KCNN1: variants seen among roughly 807,000 people sequenced by gnomAD.
The protein encoded by KCNN1 is potassium calcium-activated channel subfamily N member 1.
In KCNN1, 20 loss-of-function variants were observed where a neutral mutation model predicts 44.7. The ratio of observed to expected loss-of-function variants is 0.45; its 90% CI spans 0.32 to 0.65. The LOEUF is 0.65. KCNN1 is among the 30% of genes least tolerant of loss of function. KCNN1 has a pLI of 0.05. For missense variants in KCNN1, 632 were observed against 785.3 expected, an observed-to-expected ratio of 0.80 and a Z score of 2.33; for synonymous variants, 324 against 341.7, an observed-to-expected ratio of 0.95 and a Z score of 0.57.
chr19:17,995,742 C>G lies in KCNN1; in HGVS notation c.1377+2183C>G, dbSNP rs745330523. Among the ~76,000 whole-genome samples, 4 of 151,192 alleles carry G rather than the reference C, an allele frequency of 2.6e-5. No homozygotes were observed. The South Asian group carries it at 6.3e-4, about 24-fold the overall frequency. On this transcript the variant is annotated intron_variant, in intron 9 of 9. Transcript: ENST00000684775. The stretch of plus-strand genomic sequence containing the variant: ...CTAGGATTACAGGTGTATGCCGCCA[C>G]GCCTAGCTACTTTTTGTATTTTTAG...
chr19:17,964,421 GCC>G (rs1568446459), upstream of KCNN1, among the ~76,000 whole-genome samples: 2 of 152,206 alleles, frequency 1.3e-5, no homozygotes, highest in African/African-American at 4.8e-5. This position sits in a 1 kb window ranked among gnomAD's most constrained non-coding sequence, Gnocchi z 4.3. Context: ...GAGACCAGAG[GCC>G]CAGCCCTCAG....
intron 1 of KCNN1, among the ~76,000 whole-genome samples, chr19:17,968,755 C>T (rs1293603954): frequency 1.3e-5 from 2 of 152,152 alleles, no homozygotes; most frequent in African/African-American, 4.8e-5. Context: ...GGTCTCTGCT[C>T]ATCCCCTGCA....
At chr19:17,955,792 G>GC (rs1232868427) in intron 2 of KCNN1, among the ~76,000 whole-genome samples, 1 of 66,824 alleles carries the variant, frequency 1.5e-5, no homozygotes. Flanking sequence ...TCCCGCCCCC[G>GC]CCCCCCACAC....
chr19:17,969,526 G>A (rs2031937553), intron 1 of KCNN1, among the ~76,000 whole-genome samples: 1 of 151,804 alleles, frequency 6.6e-6, no homozygotes, highest in Admixed American at 6.6e-5. Flanking sequence ...CCTCTTGGAA[G>A]CCACCTGCCA....
intron 1 of KCNN1, among the ~76,000 whole-genome samples, chr19:17,970,178 G>A (rs1286144215): frequency 6.8e-6 from 1 of 147,674 alleles, no homozygotes; most frequent in African/African-American, 2.5e-5. Flanking sequence ...CTTACAAGCT[G>A]TGAGGTGCCT....
chr19:17,973,930 G>T lies in KCNN1; in HGVS notation c.42G>T (p.Leu14=). The T allele has an allele frequency of 6.4e-7, 1 of 1,555,922 alleles. No individual in the cohort carries two copies. The change falls in exon 2 of 10, where the codon CTG becomes CTT. Residue 14 remains leucine, a synonymous_variant. Coordinates refer to ENST00000684775, the MANE Select transcript of KCNN1 (RefSeq NM_001386974.1). The stretch of plus-strand genomic sequence containing the variant: ...ACAATGGCAGCGTGGGGCGGCCGCT[G>T]GGCAGCGGGCCGGGCGCCCTGGGAC... The part of the protein sequence containing the change: ...HSYNGSVGRP[L]GSGPGALGRD...
intron 3 of KCNN1, 28 bp downstream of exon 3, chr19:17,975,215 C>T (rs781714302): frequency 5.2e-6 from 8 of 1,550,070 alleles, no homozygotes; most frequent in Non-Finnish European, 7.1e-6. Flanking sequence ...CAGGAAGCAG[C>T]TCCTCTCCTC....
chr19:17,965,648 C>T (rs573088729), upstream of KCNN1, among the ~76,000 whole-genome samples: 6 of 152,146 alleles, frequency 3.9e-5, no homozygotes, highest in South Asian at 8.3e-4. Context: ...GCTGAAAACC[C>T]GCCCCTTCGG....
chr19:17,983,079 C>T lies in KCNN1; in HGVS notation c.917+952C>T, dbSNP rs1385543291. ...AAACCGGCCGTGCCTTTGGGACCTCCAAGCAGGAGGGAGTCTGTTGTAAAT... is the reference window on the plus strand; with the variant it reads ...AAACCGGCCGTGCCTTTGGGACCTCTAAGCAGGAGGGAGTCTGTTGTAAAT... On this transcript the variant is annotated intron_variant, in intron 4 of 9. Coordinates refer to ENST00000684775, the MANE Select transcript of KCNN1 (RefSeq NM_001386974.1). This position sits in a 1 kb window ranked among gnomAD's most constrained non-coding sequence, Gnocchi z 4.5. Among the ~76,000 whole-genome samples, 1 of 152,064 alleles carries T rather than the reference C, an allele frequency of 6.6e-6. No individual in the cohort carries two copies.
Position 17,974,050 on chromosome 19 carries a change from C to T in KCNN1, c.162C>T (p.Pro54=). 1.2e-6 allele frequency: 2 copies of T among 1,610,632 alleles called. No individual in the cohort carries two copies. The highest frequency in any genetic ancestry group is 1.7e-6 in the Non-Finnish European group (2 of 1,179,310). ...VVVAKSEPAR[P]SPGSPRGQPQ... is the part of the protein sequence containing the mutation. The stretch of plus-strand genomic sequence containing the variant: ...TGGCCAAGAGTGAGCCAGCCCGGCC[C>T]TCACCCGGCAGCCCCCGGGGGCAGC... Residue 54 remains proline, a synonymous_variant, in exon 2 of 10, where the codon CCC becomes CCT. Coordinates refer to ENST00000684775, the MANE Select transcript of KCNN1 (RefSeq NM_001386974.1). This position sits in a 1 kb window ranked among gnomAD's most constrained non-coding sequence, Gnocchi z 7.3.
Position 17,989,723 on chromosome 19 carries a change from A to C in KCNN1, c.1178A>C (p.Asn393Thr). Residue 393 changes from asparagine to threonine, a missense_variant, in exon 7 of 10, where the codon AAC becomes ACC. Around this residue, in one of 3 missense-constraint regions of KCNN1, gnomAD observed 237 missense variants for 253.0 expected, o/e 0.94. Coordinates refer to ENST00000684775, the MANE Select transcript of KCNN1 (RefSeq NM_001386974.1). ...MDTQLTKRVK[N>T]AAANVLRETW... ...TTCTTTTTCTGGCCCCAGGTAAAAA[A>C]CGCCGCTGCTAACGTTCTCAGGGAG... 2 of 1,613,844 alleles carry C rather than the reference A, an allele frequency of 1.2e-6. No homozygotes were observed. The highest frequency in any genetic ancestry group is 1.7e-6 in the Non-Finnish European group (2 of 1,179,844).
At chr19:17,980,905 CA>C (rs1279810264) in intron 3 of KCNN1, among the ~76,000 whole-genome samples, 1 of 151,406 alleles carries the variant, frequency 6.6e-6, no homozygotes, top group Admixed American at 6.6e-5. Flanking sequence ...ACCTTGTCTC[CA>C]AAAAAAGGAA....
intron 2 of KCNN1, among the ~76,000 whole-genome samples, chr19:17,956,676 G>T (rs530535668): frequency 1.5e-4 from 23 of 152,106 alleles, no homozygotes; most frequent in African/African-American, 5.5e-4. Flanking sequence ...AGCCCAAGAG[G>T]TCGAGGATAC....
At chr19:17,962,357 CA>C (rs909295106), upstream of KCNN1, among the ~76,000 whole-genome samples, 1 of 152,216 alleles carries the variant, frequency 6.6e-6, no homozygotes, top group Non-Finnish European at 1.5e-5. Flanking sequence ...CGGGAAGGAT[CA>C]GGCCCAGTCC....
intron 7 of KCNN1, among the ~76,000 whole-genome samples, chr19:17,992,634 G>C (rs575407159): frequency 8.0e-4 from 121 of 152,198 alleles, no homozygotes; most frequent in African/African-American, 2.6e-3. Context: ...AAGGGGCGAG[G>C]GCATACACTA....
intron 3 of KCNN1, among the ~76,000 whole-genome samples, chr19:17,975,534 C>T (rs887539793): frequency 5.9e-5 from 9 of 151,974 alleles, no homozygotes; most frequent in African/African-American, 2.2e-4. Context: ...GATTCTTCTG[C>T]CTCAGTCTCC....
Position 17,955,910 on chromosome 19 carries a change from T to C in KCNN1, c.-82+1229T>C, listed in dbSNP as rs542290016. Among the ~76,000 whole-genome samples, 3 of 151,940 alleles carry C rather than the reference T, an allele frequency of 2.0e-5. No individual in the cohort carries two copies. The South Asian group carries it at 6.3e-4, about 32-fold the overall frequency. On this transcript the variant is annotated intron_variant, in intron 2 of 10. Coordinates refer to the KCNN1 transcript ENST00000222249. ...CTCCTTTCTCCAGTGAACTTTTTTT[T>C]TTTAGTTTTGTTTTGTTTTGTTTTG...
chr19:17,983,830 A>T lies in KCNN1; in HGVS notation c.918-1482A>T, dbSNP rs2145951164. 6.6e-6 allele frequency among the ~76,000 whole-genome samples: 1 copy of T among 152,086 alleles called. No individual in the cohort carries two copies. Among genetic ancestry groups the T allele is most frequent in the African/African-American group, 2.4e-5 (1 of 41,510 alleles). On this transcript the variant is annotated intron_variant, in intron 4 of 9. Coordinates refer to ENST00000684775, the MANE Select transcript of KCNN1 (RefSeq NM_001386974.1). The surrounding 1 kb of genome is among the most constrained non-coding windows in gnomAD (Gnocchi z 4.5). ...CCGCCCCTCCTGCCCTCTGGGGGTCAGGCAGCTTGGGGCTCAGATGTTTTG... is the reference window on the plus strand; with the variant it reads ...CCGCCCCTCCTGCCCTCTGGGGGTCTGGCAGCTTGGGGCTCAGATGTTTTG...
chr19:17,964,258 G>C (rs973777565), upstream of KCNN1, among the ~76,000 whole-genome samples: 2 of 152,238 alleles, frequency 1.3e-5, no homozygotes, highest in Non-Finnish European at 2.9e-5. This position sits in a 1 kb window ranked among gnomAD's most constrained non-coding sequence, Gnocchi z 4.3. Flanking sequence ...CAAGATTTCA[G>C]TGGATGCACC....
Sources: allele counts gnomAD v4.1 joint callset (sites outside exome capture counted in the v4.1 genomes callset), GRCh38; gene constraint gnomAD v4.1.1; regional missense constraint gnomAD v4.1.1; non-coding constraint Gnocchi (gnomAD v3.1); transcripts MANE v1.5; gene names NCBI Gene and HGNC (gene_info 2026-07-23, HGNC 2026-07-21).